The following SMIM45 variants were observed in gnomAD, a reference collection of about 807,000 sequenced individuals.
The protein encoded by SMIM45 is long intergenic non-protein coding RNA 634.
the SMIM45 span, among the ~76,000 whole-genome samples, chr22:41,955,268 C>T: frequency 6.6e-6 from 1 of 151,846 alleles, no homozygotes; most frequent in Non-Finnish European, 1.5e-5. Context: ...GGAACTCCAC[C>T]TCCTGGGTTC....
At chr22:41,947,985 G>C in the SMIM45 span, among the ~76,000 whole-genome samples, 1 of 152,096 alleles carries the variant, frequency 6.6e-6, no homozygotes, top group Admixed American at 6.5e-5. Context: ...TTGTCCAATG[G>C]GAGACTTTAC....
the SMIM45 span, among the ~76,000 whole-genome samples, chr22:41,955,603 A>G: frequency 6.6e-6 from 1 of 152,046 alleles, no homozygotes; most frequent in Non-Finnish European, 1.5e-5. Flanking sequence ...TCAGGAGATC[A>G]AGACCATCCT....
chr22:41,955,467 T>C, the SMIM45 span, among the ~76,000 whole-genome samples: 2 of 151,250 alleles, frequency 1.3e-5, no homozygotes, highest in Admixed American at 6.6e-5. Context: ...GCATGAGCCA[T>C]TGGCCTGGTT....
At chr22:41,953,640 T>C in the SMIM45 span, among the ~76,000 whole-genome samples, 4 of 151,452 alleles carry the variant, frequency 2.6e-5, no homozygotes, top group Admixed American at 2.6e-4. Flanking sequence ...GGTGGGCTCC[T>C]CACGTCACCC....
the SMIM45 span, among the ~76,000 whole-genome samples, chr22:41,950,948 C>CAA: frequency 1.1e-4 from 16 of 152,318 alleles, no homozygotes; most frequent in Middle Eastern, 3.4e-3. Flanking sequence ...GCCGAGATTG[C>CAA]GCCACTGCAC....
chr22:41,954,197 T>G, the SMIM45 span, among the ~76,000 whole-genome samples: 1 of 136,458 alleles, frequency 7.3e-6, no homozygotes, highest in African/African-American at 3.2e-5. Context: ...CTAAGGGTAC[T>G]TTGAATTTTT....
the SMIM45 span, chr22:41,958,508 G>GAGAT: frequency 2.5e-6 from 1 of 395,898 alleles, no homozygotes; most frequent in South Asian, 1.8e-5. Context: ...GAGAGAGAGA[G>GAGAT]TCTGGGGGGA....
At chr22:41,955,061 C>T in the SMIM45 span, among the ~76,000 whole-genome samples, 2 of 152,220 alleles carry the variant, frequency 1.3e-5, no homozygotes, top group African/African-American at 4.8e-5. Flanking sequence ...ACGCACCTTA[C>T]ACCTGCTACC....
the SMIM45 span, among the ~76,000 whole-genome samples, chr22:41,956,057 T>C: frequency 6.6e-6 from 1 of 151,498 alleles, no homozygotes; most frequent in Non-Finnish European, 1.5e-5. Flanking sequence ...TGCTCCAGGC[T>C]GGAGTGCAGT....
At chr22:41,957,181 CTTTTTTTTTTT>C in the SMIM45 span, among the ~76,000 whole-genome samples, 17 of 59,296 alleles carry the variant, frequency 2.9e-4, no homozygotes, top group Admixed American at 1.0e-3. Flanking sequence ...ACCACGTGGT[CTTTTTTTTTTT>C]TTTTTTTTTT....
At chr22:41,957,151 G>A in the SMIM45 span, among the ~76,000 whole-genome samples, 4 of 149,782 alleles carry the variant, frequency 2.7e-5, no homozygotes, top group African/African-American at 7.4e-5. Context: ...GCTTGCCCAC[G>A]AGGCCTGGGC....
At chr22:41,951,057 G>A in the SMIM45 span, among the ~76,000 whole-genome samples, 36 of 152,362 alleles carry the variant, frequency 2.4e-4, no homozygotes, top group Non-Finnish European at 2.8e-4. Context: ...GAAAGGACCT[G>A]TCATACCTGA....
the SMIM45 span, among the ~76,000 whole-genome samples, chr22:41,955,304 C>A: frequency 6.6e-6 from 1 of 151,862 alleles, no homozygotes; most frequent in African/African-American, 2.4e-5. Context: ...CTCAGCCTGC[C>A]GAGTAGTTGG....
the SMIM45 span, chr22:41,946,987 A>G: frequency 1.6e-5 from 26 of 1,610,172 alleles, no homozygotes; most frequent in Non-Finnish European, 2.1e-5. Context: ...AGGAGGAAAA[A>G]CCGGCGGGGG....
At chr22:41,958,349 A>C in the SMIM45 span, 1 of 456,534 alleles carries the variant, frequency 2.2e-6, no homozygotes, top group Non-Finnish European at 4.4e-6. Context: ...GAAAGAACCT[A>C]AGAACCTCGT....
chr22:41,951,501 G>A, the SMIM45 span, among the ~76,000 whole-genome samples: 3 of 152,192 alleles, frequency 2.0e-5, no homozygotes, highest in African/African-American at 7.2e-5. Flanking sequence ...GGGGCCAGCT[G>A]GAAGATGGGA....
chr22:41,949,760 G>C, the SMIM45 span, among the ~76,000 whole-genome samples: 1 of 152,202 alleles, frequency 6.6e-6, no homozygotes, highest in South Asian at 2.1e-4. Context: ...TCGGGGAGCA[G>C]CCAGGAGCAG....
chr22:41,958,228 T>C, the SMIM45 span: 79 of 448,234 alleles, frequency 1.8e-4, 1 homozygote, highest in South Asian at 1.2e-3. Context: ...TGTCTATGGC[T>C]GCCTGTCCTG....
chr22:41,953,740 G>GTTTTTTTT, the SMIM45 span, among the ~76,000 whole-genome samples: 4 of 89,324 alleles, frequency 4.5e-5, no homozygotes, highest in Non-Finnish European at 1.0e-4. Flanking sequence ...TCTGTGATCT[G>GTTTTTTTT]TTTTTTTTTT....
Sources: gnomAD v4.1 joint callset for allele counts (sites outside exome capture counted in the v4.1 genomes callset) on GRCh38, gnomAD v4.1.1 for gene constraint, MANE v1.5 for transcripts, NCBI Gene and HGNC (gene_info 2026-07-23, HGNC 2026-07-21) for gene names.